TOPAZ1: variants seen among roughly 807,000 people sequenced by gnomAD.
TOPAZ1 encodes the protein protein TOPAZ1.
TOPAZ1 carries 66 observed loss-of-function variants against 172.2 expected under a neutral mutation model. The ratio of observed to expected loss-of-function variants is 0.38; its 90% confidence interval spans 0.31 to 0.47. TOPAZ1 has a LOEUF of 0.47. Ranked by LOEUF, TOPAZ1 falls within the 20% of genes least tolerant of loss-of-function variation. TOPAZ1 has a pLI of 0.99. For synonymous variants in TOPAZ1, 681 were observed against 683.9 expected, an observed-to-expected ratio of 1.00 and a Z score of 0.07; for missense variants, 1,822 against 1,972.4, an observed-to-expected ratio of 0.92 and a Z score of 1.44.
At chr3:44,298,909 A>ATATATATATATT (rs1287571186) in intron 12 of TOPAZ1, among the ~76,000 whole-genome samples, 6 of 41,322 alleles carry the variant, frequency 1.5e-4, no homozygotes, top group Non-Finnish European at 1.7e-4. Flanking sequence ...ATATATATAT[A>ATATATATATATT]TTTTTTTTTT....
In TOPAZ1 at chr3:44,270,783, T is replaced by C; in HGVS notation, c.3345T>C (p.Ala1115=). 1.3e-6 allele frequency: 2 copies of C among 1,549,564 alleles called. No individual in the cohort carries two copies. Among genetic ancestry groups the C allele is most frequent in the Non-Finnish European group, 1.7e-6 (2 of 1,145,944 alleles). Residue 1115 remains alanine, a synonymous_variant, in exon 8 of 20, where the codon GCT becomes GCC. Coordinates refer to ENST00000309765, the MANE Select transcript of TOPAZ1 (RefSeq NM_001145030.2). ...GTGAGCGACCACTGTGCAAGTTTGC[T>C]CATGTGCCTGAACAAGGGGATGAAA... ...RGCERPLCKF[A]HVPEQGDEKV...
chr3:44,266,856 CAG>C (rs1261161404), intron 5 of TOPAZ1, 139 bp from the exon 6 acceptor site: 1 of 544,304 alleles, frequency 1.8e-6, no homozygotes, highest in Non-Finnish European at 3.0e-6. Context: ...TTGCTCGACT[CAG>C]GGTTGCCACA....
intron 12 of TOPAZ1, among the ~76,000 whole-genome samples, chr3:44,303,249 A>G (rs1336347580): frequency 2.6e-5 from 4 of 152,198 alleles, no homozygotes; most frequent in Admixed American, 2.6e-4. Context: ...CTCTAGATGA[A>G]TTACCAAAAT....
At chr3:44,254,207 T>C (rs1265122880) in intron 2 of TOPAZ1, among the ~76,000 whole-genome samples, 1 of 152,234 alleles carries the variant, frequency 6.6e-6, no homozygotes, top group Non-Finnish European at 1.5e-5. Context: ...CAGACTGGTC[T>C]AACTCTGTTC....
chr3:44,251,845 C>T (rs145205171), intron 2 of TOPAZ1, among the ~76,000 whole-genome samples: 188 of 152,250 alleles, frequency 1.2e-3, no homozygotes, highest in African/African-American at 4.1e-3. Flanking sequence ...TATCTCCTTT[C>T]GTTGTTCTTC....
In TOPAZ1 at chr3:44,307,829, C is replaced by T. The variant is rs1700352437; in HGVS notation, c.4140+1403C>T. 2.0e-5 allele frequency among the ~76,000 whole-genome samples: 3 copies of T among 152,240 alleles called. No individual in the cohort carries two copies. In the South Asian group the frequency reaches 6.2e-4, roughly 32 times the overall value. ...TCCAGGCTCAAAAGTCTTCAGGAGG[C>T]TTAGCTCTTATTGTGTGGTAGGCCT... is the stretch of plus-strand genomic sequence containing the variant. On this transcript the variant is annotated intron_variant, in intron 15 of 19. Transcript: ENST00000309765.
chr3:44,335,192 ATAAT>A (rs1428366241), downstream of TOPAZ1, among the ~76,000 whole-genome samples: 1 of 152,214 alleles, frequency 6.6e-6, no homozygotes, highest in Non-Finnish European at 1.5e-5. Flanking sequence ...AAGGATTTAA[ATAAT>A]TAATAGCAGT....
chr3:44,307,382 A>T (rs557002434), intron 15 of TOPAZ1, among the ~76,000 whole-genome samples: 1 of 152,146 alleles, frequency 6.6e-6, no homozygotes. Flanking sequence ...CATAAAAATC[A>T]CCTCTTAGAA....
At chr3:44,260,824 C>T (rs552067470) in intron 4 of TOPAZ1, among the ~76,000 whole-genome samples, 2 of 152,068 alleles carry the variant, frequency 1.3e-5, no homozygotes, top group Admixed American at 6.6e-5. Context: ...TTTAATAAAC[C>T]TAAAAGGTAT....
intron 7 of TOPAZ1, among the ~76,000 whole-genome samples, chr3:44,270,069 G>GA (rs138705945): frequency 8.2e-4 from 125 of 152,246 alleles, no homozygotes; most frequent in African/African-American, 2.9e-3. Context: ...ATCCAAAACA[G>GA]AAAAAACAGG....
chr3:44,243,630 A>C lies in TOPAZ1; in HGVS notation c.1124A>C (p.Lys375Thr), dbSNP rs771933302. 3.9e-5 allele frequency: 61 copies of C among 1,549,970 alleles called. No homozygotes were observed. The highest frequency in any genetic ancestry group is 5.2e-5 in the Non-Finnish European group (60 of 1,146,940). ...GCTGATGGTAAAGAAGCAGAGACTA[A>C]AAGTCCTTTAAATGTTTTGAGAAAA... Reference protein sequence around the residue: ...MIADGKEAETKSPLNVLRKVS... With the variant: ...MIADGKEAETTSPLNVLRKVS... The change falls in exon 2 of 20, where the codon AAA becomes ACA. Residue 375 changes from lysine to threonine, a missense_variant. Lys to Thr is a moderately conservative substitution (Grantham distance 78, BLOSUM62 -1). Coordinates refer to ENST00000309765, the MANE Select transcript of TOPAZ1 (RefSeq NM_001145030.2).
Position 44,242,093 on chromosome 3 carries a change from G to A in TOPAZ1, c.40G>A (p.Gly14Arg). ...ACCCCTGGGCCCCACGACGGCCTCA[G>A]GGCCTGAAGGCAATGTGCGAAACCT... The part of the protein sequence containing the change: ...PPPLGPTTAS[G>R]PEGNVRNLQK... Residue 14 changes from glycine (G) to arginine (R), a missense_variant, in exon 1 of 20, where the codon GGG (glycine) becomes AGG (arginine). Gly to Arg is a moderately radical substitution (Grantham distance 125). Transcript: ENST00000309765. 1.3e-6 allele frequency: 2 copies of A among 1,547,668 alleles called. No homozygotes were observed. Among genetic ancestry groups the A allele is most frequent in the Non-Finnish European group, 1.7e-6 (2 of 1,146,490 alleles).
At chr3:44,246,605 GA>G (rs933520706) in intron 2 of TOPAZ1, among the ~76,000 whole-genome samples, 8 of 151,952 alleles carry the variant, frequency 5.3e-5, no homozygotes, top group Non-Finnish European at 8.8e-5. Context: ...TTTGAAGATG[GA>G]AAAAAATGAA....
chr3:44,327,421 T>C (rs758669932), intron 18 of TOPAZ1, among the ~76,000 whole-genome samples: 6 of 152,232 alleles, frequency 3.9e-5, no homozygotes, highest in Non-Finnish European at 7.3e-5. Context: ...TCTCTCCTAA[T>C]AAGCACCTAA....
downstream of TOPAZ1, among the ~76,000 whole-genome samples, chr3:44,335,301 C>T (rs1179632195): frequency 6.6e-6 from 1 of 152,096 alleles, no homozygotes; most frequent in African/African-American, 2.4e-5. Context: ...TAAGCCATCC[C>T]TGGCATACTA....
chr3:44,306,516 A>G, intron 15 of TOPAZ1, 90 bp downstream of exon 15: 1 of 688,174 alleles, frequency 1.5e-6, no homozygotes. Flanking sequence ...GCAAATTAGG[A>G]GTTTGCTAAT....
intron 6 of TOPAZ1, 91 bp from the exon 7 acceptor site, chr3:44,269,125 A>G: frequency 1.3e-6 from 1 of 756,222 alleles, no homozygotes; most frequent in Non-Finnish European, 2.3e-6. Context: ...GTGAAACTTT[A>G]AAGCAGATAG....
chr3:44,253,161 C>G (rs987037794), intron 2 of TOPAZ1, among the ~76,000 whole-genome samples: 5 of 152,124 alleles, frequency 3.3e-5, no homozygotes, highest in African/African-American at 4.8e-5. Flanking sequence ...GTTTGCAAAG[C>G]TTTTGAAAAG....
At chr3:44,250,499 A>G (rs1699618219) in intron 2 of TOPAZ1, among the ~76,000 whole-genome samples, 1 of 152,110 alleles carries the variant, frequency 6.6e-6, no homozygotes, top group Non-Finnish European at 1.5e-5. Flanking sequence ...TATTTTATTT[A>G]GTGAAAAAAT....
Sources: allele counts gnomAD v4.1 joint callset (sites outside exome capture counted in the v4.1 genomes callset), GRCh38; gene constraint gnomAD v4.1.1; transcripts MANE v1.5; gene names NCBI Gene and HGNC (gene_info 2026-07-23, HGNC 2026-07-21).